The following DIAPH2 variants were observed in gnomAD, a reference collection of about 807,000 sequenced individuals.
The protein encoded by DIAPH2 is protein diaphanous homolog 2.
A neutral mutation model predicts 92.7 loss-of-function variants in DIAPH2; 35 were observed. That is an observed-to-expected ratio of 0.38 (90% CI 0.29 to 0.50). The LOEUF (loss-of-function observed/expected upper bound fraction) is 0.50. DIAPH2 is among the 20% of genes least tolerant of loss of function. The probability of loss-of-function intolerance (pLI) is 0.94; values close to 1 mark genes in which losing one functional copy is unlikely to be tolerated. For synonymous variants in DIAPH2, 301 were observed against 280.4 expected (o/e 1.07, Z -0.73); for missense variants, 701 against 819.5 (o/e 0.86, Z 1.77).
At chrX:97,370,639 A>T (rs1473954035) in intron 24 of DIAPH2, among the ~76,000 whole-genome samples, 1 of 111,911 alleles carries the variant, frequency 8.9e-6, no homozygotes, top group Non-Finnish European at 1.9e-5. Context: ...CCTAAGAGTT[A>T]TGCAGCATGT....
At chrX:96,752,190 A>C (rs1050081510) in intron 3 of DIAPH2, among the ~76,000 whole-genome samples, 3 of 111,760 alleles carry the variant, frequency 2.7e-5, no homozygotes, top group African/African-American at 9.8e-5. Context: ...TGGAAGTGTT[A>C]GCTGCCTAAT....
intron 22 of DIAPH2, among the ~76,000 whole-genome samples, chrX:97,182,755 G>C (rs1367440655): frequency 9.0e-6 from 1 of 111,524 alleles, no homozygotes; most frequent in Admixed American, 9.6e-5. Flanking sequence ...TTCAGAGAAA[G>C]GTTCCTGGCT....
intron 22 of DIAPH2, among the ~76,000 whole-genome samples, chrX:97,187,048 T>C (rs893762435): frequency 6.3e-5 from 7 of 111,529 alleles, no homozygotes; most frequent in Non-Finnish European, 1.3e-4. Flanking sequence ...CAGGAATGAC[T>C]TCATATTGTT....
At chrX:97,232,780 G>T (rs1409735963) in intron 22 of DIAPH2, among the ~76,000 whole-genome samples, 1 of 111,555 alleles carries the variant, frequency 9.0e-6, no homozygotes, top group Admixed American at 9.6e-5. Context: ...TGGAGTTGGG[G>T]TAGCTTTTCA....
intron 20 of DIAPH2, among the ~76,000 whole-genome samples, chrX:97,107,256 C>T (rs887865512): frequency 8.1e-5 from 9 of 111,384 alleles, no homozygotes; most frequent in African/African-American, 2.9e-4. Flanking sequence ...GCGTGAGCCA[C>T]TGCACCCAGC....
intron 22 of DIAPH2, among the ~76,000 whole-genome samples, chrX:97,169,374 T>G (rs776599893): frequency 9.0e-6 from 1 of 111,237 alleles, no homozygotes; most frequent in Non-Finnish European, 1.9e-5. Flanking sequence ...CGATGGAAAG[T>G]TTTGAGAAAA....
chrX:97,584,943 C>A lies in DIAPH2; in HGVS notation c.3242-14310C>A, dbSNP rs1005675109. On this transcript the variant is annotated intron_variant, in intron 26 of 26. Transcript: ENST00000324765. ...TATGTCACAGTTCTCATATGTCCAG[C>A]TTGCCTAGACTGTTGTGTGAAAGAG... Among the ~76,000 whole-genome samples, 8 of 112,418 alleles carry A rather than the reference C, an allele frequency of 7.1e-5. No individual in the cohort carries two copies. In the Admixed American group the frequency reaches 7.5e-4, roughly 11 times the overall value.
intron 17 of DIAPH2, among the ~76,000 whole-genome samples, chrX:96,971,471 T>G (rs966897131): frequency 7.2e-5 from 8 of 111,055 alleles, no homozygotes; most frequent in Non-Finnish European, 1.5e-4. Flanking sequence ...TGTGTGTGTC[T>G]TAGTTATTGA....
At chrX:97,256,278 A>G (rs2068235586) in intron 23 of DIAPH2, among the ~76,000 whole-genome samples, 1 of 112,607 alleles carries the variant, frequency 8.9e-6, no homozygotes, top group South Asian at 3.7e-4. Context: ...GCACATGTCT[A>G]TTCGTAGATG....
At chrX:97,334,896 C>A (rs1252736640) in intron 23 of DIAPH2, among the ~76,000 whole-genome samples, 1 of 101,589 alleles carries the variant, frequency 9.8e-6, no homozygotes, top group Non-Finnish European at 2.0e-5. Flanking sequence ...CAGGAGAATC[C>A]CGTGAATCTG....
intron 17 of DIAPH2, among the ~76,000 whole-genome samples, chrX:96,976,535 G>A (rs2147836482): frequency 9.1e-6 from 1 of 109,444 alleles, no homozygotes; most frequent in South Asian, 3.9e-4. Flanking sequence ...GACATTTTAA[G>A]TGTTTCAACT....
intron 5 of DIAPH2, among the ~76,000 whole-genome samples, chrX:96,897,432 C>T (rs928288168): frequency 9.1e-6 from 1 of 110,192 alleles, no homozygotes; most frequent in East Asian, 2.8e-4. Context: ...TAGTTTATTC[C>T]AAGTTTTACA....
chrX:97,470,272 C>T (rs2070551299), intron 26 of DIAPH2, among the ~76,000 whole-genome samples: 1 of 111,152 alleles, frequency 9.0e-6, no homozygotes, highest in Non-Finnish European at 1.9e-5. Flanking sequence ...TAAATTAATC[C>T]ATATTTTCAA....
intron 18 of DIAPH2, among the ~76,000 whole-genome samples, chrX:97,073,423 C>T (rs1159524364): frequency 8.9e-6 from 1 of 111,952 alleles, no homozygotes; most frequent in East Asian, 2.8e-4. Flanking sequence ...CCTTCTACTG[C>T]TATTCCTTTA....
chrX:96,914,434 A>G (rs1001170431), intron 7 of DIAPH2, among the ~76,000 whole-genome samples: 6 of 111,421 alleles, frequency 5.4e-5, no homozygotes, highest in Admixed American at 4.8e-4. Context: ...CAGTTCTAGA[A>G]TTCAGGAGAT....
At chrX:97,228,228 G>A (rs1477672718) in intron 22 of DIAPH2, among the ~76,000 whole-genome samples, 1 of 111,155 alleles carries the variant, frequency 9.0e-6, no homozygotes, top group Non-Finnish European at 1.9e-5. Context: ...ATTAAATCCT[G>A]CCCCTGATTT....
chrX:97,109,941 T>G (rs1391810901), intron 20 of DIAPH2, among the ~76,000 whole-genome samples: 1 of 111,911 alleles, frequency 8.9e-6, no homozygotes, highest in Admixed American at 9.5e-5. Flanking sequence ...AGTATACAAC[T>G]TCTTCTGAAA....
At chrX:97,039,132 A>C (rs1351869876) in intron 17 of DIAPH2, among the ~76,000 whole-genome samples, 1 of 110,611 alleles carries the variant, frequency 9.0e-6, no homozygotes, top group South Asian at 3.7e-4. Context: ...TGGGTGAAAA[A>C]CTGTATCTTA....
chrX:96,960,043 A>G (rs181251747), intron 16 of DIAPH2, among the ~76,000 whole-genome samples: 1 of 110,754 alleles, frequency 9.0e-6, no homozygotes, highest in African/African-American at 3.3e-5. Flanking sequence ...TTTGAAGTCA[A>G]TGTCCTGCTT....
Sources: gnomAD v4.1 joint callset for allele counts (sites outside exome capture counted in the v4.1 genomes callset) on GRCh38, gnomAD v4.1.1 for gene constraint, MANE v1.5 for transcripts, NCBI Gene and HGNC (gene_info 2026-07-23, HGNC 2026-07-21) for gene names.